The following DEGS2 variants were observed in gnomAD, a reference collection of about 807,000 sequenced individuals.
DEGS2 encodes sphingolipid delta(4)-desaturase/C4-monooxygenase DES2.
Under a neutral mutation model 23.8 loss-of-function variants are expected in DEGS2, and 19 were observed. That is an observed-to-expected ratio of 0.80 (90% CI 0.56 to 1.17). The LOEUF is 1.17. Ranked by LOEUF, DEGS2 falls within the 50% of genes most tolerant of loss-of-function variation. The pLI is 0.00. For missense variants in DEGS2, 390 were observed against 459.5 expected, an observed-to-expected ratio of 0.85 and a Z score of 1.38; for synonymous variants, 218 against 213.7, an observed-to-expected ratio of 1.02 and a Z score of -0.18.
chr14:100,148,339 C>T (rs534845792), intron 2 of DEGS2, among the ~76,000 whole-genome samples: 8 of 152,342 alleles, frequency 5.3e-5, no homozygotes, highest in East Asian at 3.9e-4. Context: ...CACCTCCTCC[C>T]GCCCCCTTTG....
Position 100,159,634 on chromosome 14 carries a change from T to A in DEGS2, c.-47A>T. On this transcript the variant is annotated 5_prime_UTR_variant, in exon 1 of 3. Coordinates refer to ENST00000305631, the MANE Select transcript of DEGS2 (RefSeq NM_206918.3). The stretch of plus-strand genomic sequence containing the variant: ...CGGAGCGCGGCCGGCTCGGCTCTGC[T>A]GCACCTGTCGCGGCGGCCGCGGCGC... The A allele has an allele frequency of 8.6e-7, 1 of 1,163,616 alleles. No homozygotes were observed. The highest frequency in any genetic ancestry group is 1.1e-6 in the Non-Finnish European group (1 of 908,802). The allele number at this position is 1,163,616 out of a possible 1,614,324, so 72.1% of individuals were successfully genotyped here.
chr14:100,149,851 G>A, intron 1 of DEGS2, 141 bp from the exon 2 acceptor site: 1 of 898,434 alleles, frequency 1.1e-6, no homozygotes, highest in East Asian at 2.7e-5. Context: ...CTGCACACAG[G>A]CCCTGTCCCT....
rs1889414340 is a variant in DEGS2 at position 100,145,081 on chromosome 14, C to CCGCCCCCCAGGCCAGGAGGG, written c.*1660_*1679dup. 6.6e-6 allele frequency: 1 copy of CCGCCCCCCAGGCCAGGAGGG among 152,534 alleles called. No individual in the cohort carries two copies. Among genetic ancestry groups the CCGCCCCCCAGGCCAGGAGGG allele is most frequent in the Admixed American group, 6.5e-5 (1 of 15,276 alleles). 9.4% of individuals were successfully genotyped at this position (152,534 alleles called of 1,614,324 possible). A position where few individuals can be genotyped will look rare whatever the true frequency, so the allele number is the denominator to read the frequency against. On this transcript the variant is annotated 3_prime_UTR_variant, in exon 3 of 3. Coordinates refer to ENST00000305631, the MANE Select transcript of DEGS2 (RefSeq NM_206918.3). ...AGAGCTGCTCTCTCCCGCTTCCCTG[C>CCGCCCCCCAGGCCAGGAGGG]CGCCCCCCAGGCCAGGAGGGCTCCC...
Position 100,146,674 on chromosome 14 carries a change from A to C in DEGS2, c.*87T>G. Reference sequence around the variant, plus strand: ...GGACAAGGGCAGCAGTCCAGAGCACAGGAAGGAAATGTAGCTTCTCAGTGC... The same window carrying C: ...GGACAAGGGCAGCAGTCCAGAGCACCGGAAGGAAATGTAGCTTCTCAGTGC... On this transcript the variant is annotated 3_prime_UTR_variant, in exon 3 of 3. Coordinates refer to ENST00000305631, the MANE Select transcript of DEGS2 (RefSeq NM_206918.3). 6.5e-7 allele frequency: 1 copy of C among 1,538,720 alleles called. No homozygotes were observed. The highest frequency in any genetic ancestry group is 8.8e-7 in the Non-Finnish European group (1 of 1,139,334).
intron 1 of DEGS2, among the ~76,000 whole-genome samples, chr14:100,152,298 C>T (rs1411535579): frequency 2.0e-5 from 3 of 151,714 alleles, no homozygotes; most frequent in African/African-American, 7.3e-5. Context: ...GGGTGGGCGT[C>T]ATGGAGATGC....
At chr14:100,157,480 G>A (rs1595279831) in intron 1 of DEGS2, among the ~76,000 whole-genome samples, 1 of 152,204 alleles carries the variant, frequency 6.6e-6, no homozygotes, top group African/African-American at 2.4e-5. Flanking sequence ...GCAGTAGCCA[G>A]GACACCTGCC....
upstream of DEGS2, among the ~76,000 whole-genome samples, chr14:100,163,511 C>CGA (rs1279525052): frequency 6.6e-6 from 1 of 152,086 alleles, no homozygotes; most frequent in Non-Finnish European, 1.5e-5. Context: ...GTGGAGGAAT[C>CGA]GAGACATGAG....
intron 1 of DEGS2, among the ~76,000 whole-genome samples, chr14:100,150,323 G>GC (rs2140421294): frequency 6.6e-6 from 1 of 151,944 alleles, no homozygotes; most frequent in Non-Finnish European, 1.5e-5. Context: ...GGACGCCCCT[G>GC]CCCCCAGGGC....
chr14:100,152,528 G>C (rs539513990), intron 1 of DEGS2, among the ~76,000 whole-genome samples: 12 of 152,216 alleles, frequency 7.9e-5, no homozygotes, highest in South Asian at 4.1e-4. Flanking sequence ...CAGAGACAAG[G>C]GTCTCCCTCC....
chr14:100,149,020 T>A lies in DEGS2; in HGVS notation c.773A>T (p.Tyr258Phe). Residue 258 changes from tyrosine to phenylalanine, a missense_variant, in exon 2 of 3, where the codon TAC becomes TTC. By Grantham distance (22) the Tyr-to-Phe change is conservative. Coordinates refer to ENST00000305631, the MANE Select transcript of DEGS2 (RefSeq NM_206918.3). ...PLNWITFNVG[Y>F]HVEHHDFPSI... is the part of the protein sequence containing the mutation. ...GGGGAAGTCGTGGTGCTCCACGTGG[T>A]AGCCCACATTGAAGGTGATCCAGTT... is the stretch of plus-strand genomic sequence containing the variant. 1.2e-6 allele frequency: 2 copies of A among 1,612,822 alleles called. No individual in the cohort carries two copies. Among genetic ancestry groups the A allele is most frequent in the Non-Finnish European group, 1.7e-6 (2 of 1,179,970 alleles).
chr14:100,159,629 T>C lies in DEGS2; in HGVS notation c.-42A>G. Reference sequence around the variant, plus strand: ...CCGTTCGGAGCGCGGCCGGCTCGGCTCTGCTGCACCTGTCGCGGCGGCCGC... The same window carrying C: ...CCGTTCGGAGCGCGGCCGGCTCGGCCCTGCTGCACCTGTCGCGGCGGCCGC... On this transcript the variant is annotated 5_prime_UTR_variant, in exon 1 of 3. Coordinates refer to ENST00000305631, the MANE Select transcript of DEGS2 (RefSeq NM_206918.3). 2.2e-6 allele frequency: 3 copies of C among 1,371,682 alleles called. No individual in the cohort carries two copies. The highest frequency in any genetic ancestry group is 1.5e-5 in the African/African-American group (1 of 65,084). The allele number at this position is 1,371,682 out of a possible 1,614,324, so 85.0% of individuals were successfully genotyped here.
chr14:100,148,420 C>T (rs537707145), intron 2 of DEGS2, among the ~76,000 whole-genome samples: 12 of 152,310 alleles, frequency 7.9e-5, no homozygotes, highest in African/African-American at 2.4e-4. Flanking sequence ...GGCTGAGGGA[C>T]GGCTCCTCCT....
chr14:100,162,724 C>T (rs952049370), upstream of DEGS2, among the ~76,000 whole-genome samples: 2 of 152,228 alleles, frequency 1.3e-5, no homozygotes, highest in Admixed American at 1.3e-4. Flanking sequence ...TCCACACCCC[C>T]ATTTCCCCTG....
At chr14:100,164,632 C>T (rs748686559), upstream of DEGS2, among the ~76,000 whole-genome samples, 10 of 152,012 alleles carry the variant, frequency 6.6e-5, no homozygotes, top group African/African-American at 1.7e-4. Flanking sequence ...AGCGAAACTC[C>T]GTCTCAAAAA....
At chr14:100,159,209 GC>G (rs1889708429) in intron 1 of DEGS2, among the ~76,000 whole-genome samples, 1 of 152,268 alleles carries the variant, frequency 6.6e-6, no homozygotes, top group Non-Finnish European at 1.5e-5. Context: ...GCATCCCAGA[GC>G]CCCGGCCCTG....
intron 1 of DEGS2, among the ~76,000 whole-genome samples, chr14:100,159,219 T>C (rs1889708637): frequency 6.6e-6 from 1 of 152,116 alleles, no homozygotes; most frequent in Admixed American, 6.5e-5. Context: ...GCCCCGGCCC[T>C]GGCCCCGGGA....
rs576843300 is a variant in DEGS2, at chr14:100,158,696, G to A, written c.82+810C>T. On this transcript the variant is annotated intron_variant, in intron 1 of 2. Coordinates refer to ENST00000305631, the MANE Select transcript of DEGS2 (RefSeq NM_206918.3). ...GGTGCTGACTTAGGCAGGGCGGGAG[G>A]GGCGGGCCTGTCTCAGCCTGTGGCG... 6.6e-5 allele frequency among the ~76,000 whole-genome samples: 10 copies of A among 152,244 alleles called. No individual in the cohort carries two copies. The East Asian group carries it at 1.9e-3, about 29-fold the overall frequency.
At position 100,143,959 on chromosome 14, in the gene DEGS2, GTCT is replaced by G; in HGVS notation, c.*2799_*2801del. ...CTGACACGGAACACCAGGTCTGCTC[GTCT>G]TTTTTGTGTTTTATATTTGCTTATT... On this transcript the variant is annotated 3_prime_UTR_variant, in exon 3 of 3. Transcript: ENST00000305631. 1.8e-6 allele frequency: 1 copy of G among 549,124 alleles called. No homozygotes were observed. The highest frequency in any genetic ancestry group is 3.2e-6 in the Non-Finnish European group (1 of 311,480). The allele number at this position is 549,124 out of a possible 1,614,324, so 34.0% of individuals were successfully genotyped here.
At chr14:100,148,750 C>T (rs960096892) in intron 2 of DEGS2, among the ~76,000 whole-genome samples, 1 of 152,262 alleles carries the variant, frequency 6.6e-6, no homozygotes, top group Non-Finnish European at 1.5e-5. Flanking sequence ...GCCTCTCAGA[C>T]CCCACCTCCC....
Sources: gnomAD v4.1 joint callset for allele counts (sites outside exome capture counted in the v4.1 genomes callset) on GRCh38, gnomAD v4.1.1 for gene constraint, MANE v1.5 for transcripts, NCBI Gene and HGNC (gene_info 2026-07-23, HGNC 2026-07-21) for gene names.